Variants in ABTB3 observed in about 807,000 individuals in gnomAD.
ABTB3 encodes the protein ankyrin repeat- and BTB/POZ domain-containing protein 3.
the ABTB3 span, among the ~76,000 whole-genome samples, chr12:107,458,913 A>G: frequency 6.6e-6 from 1 of 152,124 alleles, no homozygotes; most frequent in Non-Finnish European, 1.5e-5. Flanking sequence ...AGGCATGGGA[A>G]TAGGTGTTGG....
At chr12:107,580,298 C>T in the ABTB3 span, among the ~76,000 whole-genome samples, 2 of 152,190 alleles carry the variant, frequency 1.3e-5, no homozygotes, top group Non-Finnish European at 2.9e-5. Flanking sequence ...AAATCTTCTC[C>T]AGTAATCCTA....
the ABTB3 span, among the ~76,000 whole-genome samples, chr12:107,470,503 G>A: frequency 6.6e-6 from 1 of 152,146 alleles, no homozygotes; most frequent in Non-Finnish European, 1.5e-5. Flanking sequence ...GCCCCGAGGA[G>A]GGCCTGGCTG....
the ABTB3 span, among the ~76,000 whole-genome samples, chr12:107,423,306 G>T: frequency 1.3e-5 from 2 of 152,170 alleles, no homozygotes; most frequent in African/African-American, 4.8e-5. Flanking sequence ...GTAGCAAAGA[G>T]AACTACAATG....
At chr12:107,319,192 C>G in the ABTB3 span, 2 of 1,595,684 alleles carry the variant, frequency 1.3e-6, no homozygotes, top group Admixed American at 3.4e-5. Flanking sequence ...ACTGCGCCGG[C>G]CAGCACTGCT....
At chr12:107,478,943 T>G in the ABTB3 span, among the ~76,000 whole-genome samples, 1 of 152,142 alleles carries the variant, frequency 6.6e-6, no homozygotes, top group East Asian at 1.9e-4. Flanking sequence ...ACTGTGGAAC[T>G]AATAGGGGCA....
At chr12:107,454,618 G>A in the ABTB3 span, among the ~76,000 whole-genome samples, 1 of 152,242 alleles carries the variant, frequency 6.6e-6, no homozygotes, top group East Asian at 1.9e-4. Flanking sequence ...ACCTTTTCAG[G>A]CAGGCCCAGG....
the ABTB3 span, among the ~76,000 whole-genome samples, chr12:107,447,506 C>G: frequency 6.6e-4 from 101 of 152,200 alleles, no homozygotes; most frequent in African/African-American, 2.1e-3. Context: ...TGATGGTTAC[C>G]TGAGAATCCA....
chr12:107,581,101 G>C, the ABTB3 span: 1 of 1,545,474 alleles, frequency 6.5e-7, no homozygotes, highest in Non-Finnish European at 8.7e-7. Context: ...GGCAGCCCCT[G>C]CCTCCGGGGA....
the ABTB3 span, chr12:107,610,194 G>C: frequency 6.2e-7 from 1 of 1,614,170 alleles, no homozygotes; most frequent in Non-Finnish European, 8.5e-7. Context: ...CCTTAGGGCC[G>C]ACGACTGCTT....
chr12:107,462,191 C>A, the ABTB3 span, among the ~76,000 whole-genome samples: 2 of 152,144 alleles, frequency 1.3e-5, no homozygotes, highest in Non-Finnish European at 2.9e-5. Flanking sequence ...TTAAAGTTTT[C>A]TTTCATTAAT....
chr12:107,469,865 CT>C, the ABTB3 span, among the ~76,000 whole-genome samples: 191 of 88,354 alleles, frequency 2.2e-3, 1 homozygote, highest in Middle Eastern at 6.2e-3. Context: ...TTCTTTCTTT[CT>C]TTTCTTTCTT....
chr12:107,602,859 G>T, the ABTB3 span, among the ~76,000 whole-genome samples: 7 of 152,290 alleles, frequency 4.6e-5, no homozygotes, highest in Admixed American at 2.6e-4. Flanking sequence ...AGGCCTGCAG[G>T]CTTCCTGGAA....
the ABTB3 span, among the ~76,000 whole-genome samples, chr12:107,653,841 A>G: frequency 6.6e-6 from 1 of 152,238 alleles, no homozygotes; most frequent in Non-Finnish European, 1.5e-5. Flanking sequence ...GTTCAGTGGC[A>G]TTAAGTACAT....
chr12:107,318,465 C>G, the ABTB3 span: 209 of 154,704 alleles, frequency 1.4e-3, 5 homozygotes, highest in East Asian at 0.037. Context: ...CGGTGCAGGG[C>G]AGGCTGGCGC....
the ABTB3 span, among the ~76,000 whole-genome samples, chr12:107,381,450 A>C: frequency 6.6e-6 from 1 of 152,210 alleles, no homozygotes; most frequent in Non-Finnish European, 1.5e-5. Flanking sequence ...CTTCCTAATG[A>C]AGGGCTGCCT....
chr12:107,541,910 A>C, the ABTB3 span, among the ~76,000 whole-genome samples: 2 of 142,648 alleles, frequency 1.4e-5, no homozygotes, highest in Non-Finnish European at 3.0e-5. Context: ...CCGAACCTAA[A>C]ATAAAAGTTG....
the ABTB3 span, among the ~76,000 whole-genome samples, chr12:107,610,933 G>A: frequency 6.6e-6 from 1 of 152,174 alleles, no homozygotes; most frequent in African/African-American, 2.4e-5. Context: ...AAAACAAACA[G>A]CAGTTATAAA....
the ABTB3 span, among the ~76,000 whole-genome samples, chr12:107,515,718 G>GC: frequency 6.6e-6 from 1 of 152,156 alleles, no homozygotes; most frequent in East Asian, 1.9e-4. Flanking sequence ...CAAGGGAGAG[G>GC]CAGGAGGCTG....
At chr12:107,423,018 C>G in the ABTB3 span, among the ~76,000 whole-genome samples, 4 of 152,198 alleles carry the variant, frequency 2.6e-5, no homozygotes, top group Non-Finnish European at 5.9e-5. Flanking sequence ...GTTACCTGCC[C>G]TTTTCTGACA....
Sources: allele counts gnomAD v4.1 joint callset (sites outside exome capture counted in the v4.1 genomes callset), GRCh38; gene constraint gnomAD v4.1.1; transcripts MANE v1.5; gene names NCBI Gene and HGNC (gene_info 2026-07-23, HGNC 2026-07-21).